GCLM: variants seen among roughly 807,000 people sequenced by gnomAD.
GCLM encodes glutamate-cysteine ligase modifier subunit.
Under a neutral mutation model 36.0 loss-of-function variants are expected in GCLM, and 15 were observed. That is an observed-to-expected ratio of 0.42 (90% CI 0.28 to 0.64). The LOEUF (loss-of-function observed/expected upper bound fraction) is 0.64, where lower values mean the gene tolerates loss of function less well. Among genes scored for constraint, GCLM ranks in the 30% least tolerant of loss-of-function variants. The pLI is 0.25. For synonymous variants in GCLM, 129 were observed against 122.8 expected, an observed-to-expected ratio of 1.05 and a Z score of -0.34; for missense variants, 242 against 325.5, an observed-to-expected ratio of 0.74 and a Z score of 1.97.
intron 3 of GCLM, among the ~76,000 whole-genome samples, chr1:93,898,513 A>C (rs1656824484): frequency 6.6e-6 from 1 of 151,984 alleles, no homozygotes; most frequent in South Asian, 2.1e-4. Flanking sequence ...TACTTTTAAA[A>C]ATTTTTTGTA....
At chr1:93,901,476 C>T (rs1656945692) in intron 3 of GCLM, 109 bp downstream of exon 3, 2 of 711,482 alleles carry the variant, frequency 2.8e-6, no homozygotes, top group Non-Finnish European at 5.0e-6. Flanking sequence ...AAAAGAATTT[C>T]TGTATTTCCC....
At position 93,886,997 on chromosome 1, in the gene GCLM, C is replaced by CT. The variant is rs60252290; in HGVS notation, c.*1992dup. 3,282 of 137,700 alleles carry CT rather than the reference C, an allele frequency of 0.024. 80 individuals are homozygous for CT. The highest frequency in any genetic ancestry group is 0.13 in the East Asian group (624 of 4,790). The allele number at this position is 137,700 out of a possible 1,614,324, so 8.5% of individuals were successfully genotyped here. ...AATCACATGATTTCACATAATTTTT[C>CT]TTTTTTTTTTTTTTTTGAGACGCAG... On this transcript the variant is annotated 3_prime_UTR_variant, in exon 7 of 7. Transcript: ENST00000370238.
chr1:93,904,497 G>A, intron 2 of GCLM, 26 bp downstream of exon 2: 2 of 1,464,206 alleles, frequency 1.4e-6, no homozygotes, highest in South Asian at 1.1e-5. Flanking sequence ...TGACCTGCAT[G>A]ATTTTTGCAT....
At position 93,888,826 on chromosome 1, in the gene GCLM, G is replaced by T. The variant is rs1157483111; in HGVS notation, c.*164C>A. ...AGGTTCATGAGAATGGATTGATATG[G>T]AGGCAAGATAAGTATTTAAAACTTG... On this transcript the variant is annotated 3_prime_UTR_variant, in exon 7 of 7. Transcript: ENST00000370238. 4.4e-6 allele frequency: 2 copies of T among 452,260 alleles called. No homozygotes were observed. The highest frequency in any genetic ancestry group is 2.0e-5 in the African/African-American group (1 of 49,442). 28.0% of individuals were successfully genotyped at this position (452,260 alleles called of 1,614,324 possible). A position where few individuals can be genotyped will look rare whatever the true frequency, so the allele number is the denominator to read the frequency against.
At chr1:93,894,875 T>C in intron 5 of GCLM, 147 bp from the exon 6 acceptor site, 1 of 576,654 alleles carries the variant, frequency 1.7e-6, no homozygotes, top group Admixed American at 3.0e-5. Flanking sequence ...TACTTTTACA[T>C]TAATATCTTT....
At chr1:93,899,293 C>T (rs879486000) in intron 3 of GCLM, among the ~76,000 whole-genome samples, 5 of 152,032 alleles carry the variant, frequency 3.3e-5, no homozygotes, top group South Asian at 4.1e-4. Flanking sequence ...AGGCTGGTCT[C>T]GAACTCCTGG....
chr1:93,907,944 G>T (rs937378062), intron 1 of GCLM, among the ~76,000 whole-genome samples: 2 of 152,192 alleles, frequency 1.3e-5, no homozygotes, highest in Non-Finnish European at 2.9e-5. Flanking sequence ...TAGGAACACA[G>T]CTGATTTAGG....
intron 2 of GCLM, among the ~76,000 whole-genome samples, chr1:93,903,559 C>G (rs1657037948): frequency 6.6e-6 from 1 of 150,680 alleles, no homozygotes; most frequent in Non-Finnish European, 1.5e-5. Context: ...CTCAGGTGAT[C>G]TACCTGCTTT....
chr1:93,885,257 A>G lies in GCLM; in HGVS notation c.*3733T>C, dbSNP rs1656264773. ...AATCATACTCAGTTTGAGTTCAAAT[A>G]GTTCAAAAATCAATATAATGCTTCA... On this transcript the variant is annotated 3_prime_UTR_variant, in exon 7 of 7. Coordinates refer to ENST00000370238, the MANE Select transcript of GCLM (RefSeq NM_002061.4). The G allele has an allele frequency of 6.6e-6, 1 of 152,228 alleles. No homozygotes were observed. Among genetic ancestry groups the G allele is most frequent in the South Asian group, 2.1e-4 (1 of 4,836 alleles). 9.4% of individuals were successfully genotyped at this position (152,228 alleles called of 1,614,324 possible).
chr1:93,892,258 G>A (rs1455492958), intron 6 of GCLM, among the ~76,000 whole-genome samples: 1 of 152,140 alleles, frequency 6.6e-6, no homozygotes, highest in Non-Finnish European at 1.5e-5. Flanking sequence ...TGGGGAGTAA[G>A]GGTAATTTTT....
chr1:93,899,288 G>C (rs1656859639), intron 3 of GCLM, among the ~76,000 whole-genome samples: 1 of 152,028 alleles, frequency 6.6e-6, no homozygotes, highest in Admixed American at 6.6e-5. Context: ...TGTCCAGGCT[G>C]GTCTCGAACT....
chr1:93,887,921 AC>A lies in GCLM; in HGVS notation c.*1068del, dbSNP rs1428067748. Reference sequence around the variant, plus strand: ...AACTAATGAAGAATTATACTAAATGACCTATATAGTCTCTTTTAGCTATAAA... The same window carrying A: ...AACTAATGAAGAATTATACTAAATGACTATATAGTCTCTTTTAGCTATAAA... On this transcript the variant is annotated 3_prime_UTR_variant, in exon 7 of 7. Coordinates refer to ENST00000370238, the MANE Select transcript of GCLM (RefSeq NM_002061.4). 1 of 152,212 alleles carries A rather than the reference AC, an allele frequency of 6.6e-6. No homozygotes were observed. The highest frequency in any genetic ancestry group is 1.9e-4 in the East Asian group (1 of 5,190). The allele number at this position is 152,212 out of a possible 1,614,324, so 9.4% of individuals were successfully genotyped here. A position where few individuals can be genotyped will look rare whatever the true frequency, so the allele number is the denominator to read the frequency against.
At position 93,888,984 on chromosome 1, in the gene GCLM, A is replaced by T. The variant is rs1160857886; in HGVS notation, c.*6T>A. 6.4e-7 allele frequency: 1 copy of T among 1,568,778 alleles called. No individual in the cohort carries two copies. Among genetic ancestry groups the T allele is most frequent in the East Asian group, 2.3e-5 (1 of 42,780 alleles). On this transcript the variant is annotated 3_prime_UTR_variant, in exon 7 of 7. Coordinates refer to ENST00000370238, the MANE Select transcript of GCLM (RefSeq NM_002061.4). ...AAATTACAGGTAAGTTATGCTCCTA[A>T]GTCAGTTAAGAACCCCTTCTTTTAG...
At chr1:93,908,252 A>G (rs1479042261) in intron 1 of GCLM, among the ~76,000 whole-genome samples, 10 of 152,220 alleles carry the variant, frequency 6.6e-5, no homozygotes, top group Non-Finnish European at 1.5e-4. Context: ...GAAATGGCCA[A>G]CAAATAGGTA....
At chr1:93,895,012 CTT>C (rs562917011) in intron 5 of GCLM, among the ~76,000 whole-genome samples, 5 of 128,048 alleles carry the variant, frequency 3.9e-5, no homozygotes, top group Admixed American at 1.6e-4. Context: ...CAGTACTACA[CTT>C]TTTTTTTTTT....
intron 1 of GCLM, among the ~76,000 whole-genome samples, chr1:93,904,984 G>A (rs931879002): frequency 1.3e-5 from 2 of 151,992 alleles, no homozygotes; most frequent in African/African-American, 2.4e-5. Context: ...GACCAGCCTG[G>A]CCAACATGGT....
At chr1:93,900,120 A>G (rs2100919586) in intron 3 of GCLM, among the ~76,000 whole-genome samples, 1 of 152,200 alleles carries the variant, frequency 6.6e-6, no homozygotes, top group East Asian at 1.9e-4. Context: ...ATTACTCCCT[A>G]TTGAACAGCC....
chr1:93,904,713 A>AC (rs1326130380), intron 1 of GCLM, 125 bp from the exon 2 acceptor site: 1 of 647,716 alleles, frequency 1.5e-6, no homozygotes. Flanking sequence ...TACCATACAA[A>AC]CCCCAATTTT....
At chr1:93,907,973 CAT>C (rs1342116786) in intron 1 of GCLM, among the ~76,000 whole-genome samples, 2 of 152,142 alleles carry the variant, frequency 1.3e-5, no homozygotes, top group African/African-American at 4.8e-5. Context: ...TCTAAACACA[CAT>C]AGTTTAGGAA....
Sources: gnomAD v4.1 joint callset for allele counts (sites outside exome capture counted in the v4.1 genomes callset) on GRCh38, gnomAD v4.1.1 for gene constraint, MANE v1.5 for transcripts, NCBI Gene and HGNC (gene_info 2026-07-23, HGNC 2026-07-21) for gene names.